Variants in ZSCAN25 observed in about 807,000 individuals in gnomAD.
ZSCAN25 encodes zinc finger and SCAN domain-containing protein 25.
A neutral mutation model predicts 38.7 loss-of-function variants in ZSCAN25; 27 were observed. The ratio of observed to expected loss-of-function variants is 0.70; its 90% confidence interval spans 0.51 to 0.96. ZSCAN25 has a LOEUF of 0.96. ZSCAN25 is among the 40% of genes least tolerant of loss of function. ZSCAN25 has a pLI of 0.00. For missense variants in ZSCAN25, 637 were observed against 705.9 expected (o/e 0.90, Z 1.11); for synonymous variants, 273 against 277.7 (o/e 0.98, Z 0.17).
chr7:99,638,556 G>A, the ZSCAN25 span: 1 of 1,544,340 alleles, frequency 6.5e-7, no homozygotes, highest in Non-Finnish European at 8.9e-7. Flanking sequence ...CGAGAGCGCG[G>A]ATCTTGTCCT....
At chr7:99,730,937 C>T in the ZSCAN25 span, 3 of 1,321,176 alleles carry the variant, frequency 2.3e-6, no homozygotes, top group Non-Finnish European at 3.1e-6. Context: ...GTGATGCCTA[C>T]ACGCTATTTC....
chr7:99,668,868 G>A, the ZSCAN25 span, among the ~76,000 whole-genome samples: 1 of 152,182 alleles, frequency 6.6e-6, no homozygotes, highest in South Asian at 2.1e-4. Context: ...AATTGACACT[G>A]TCAGGTATTA....
intron 6 of ZSCAN25, among the ~76,000 whole-genome samples, chr7:99,623,175 C>T (rs920327560): frequency 6.6e-6 from 1 of 152,166 alleles, no homozygotes; most frequent in Admixed American, 6.5e-5. Context: ...TGATTGGCCC[C>T]GAGATAACCC....
chr7:99,725,643 T>C, the ZSCAN25 span, among the ~76,000 whole-genome samples: 2 of 152,202 alleles, frequency 1.3e-5, no homozygotes, highest in Non-Finnish European at 2.9e-5. Context: ...TTGGACTGTC[T>C]GACTCACATC....
At chr7:99,720,142 A>G in the ZSCAN25 span, among the ~76,000 whole-genome samples, 1 of 152,240 alleles carries the variant, frequency 6.6e-6, no homozygotes, top group Non-Finnish European at 1.5e-5. Flanking sequence ...AATATACTGT[A>G]TTTATAGTTA....
At chr7:99,672,347 G>A in the ZSCAN25 span, among the ~76,000 whole-genome samples, 1 of 152,090 alleles carries the variant, frequency 6.6e-6, no homozygotes, top group East Asian at 1.9e-4. Flanking sequence ...ATTATGCCCA[G>A]CCTGTAGTTT....
chr7:99,654,881 T>C, the ZSCAN25 span, among the ~76,000 whole-genome samples: 3 of 152,160 alleles, frequency 2.0e-5, no homozygotes, highest in East Asian at 3.9e-4. Flanking sequence ...TAAATGTCTT[T>C]TGAGAAGTGT....
Position 99,630,194 on chromosome 7 carries a change from A to G in ZSCAN25, c.*174A>G, listed in dbSNP as rs569009126. ...GCTTCCAGAGAGCATAGCTGCTTCC[A>G]TCTCTTACCCAAGTGGTGCTAAACA... On this transcript the variant is annotated 3_prime_UTR_variant, in exon 8 of 8. Coordinates refer to ENST00000394152, the MANE Select transcript of ZSCAN25 (RefSeq NM_145115.3). 3 of 1,387,654 alleles carry G rather than the reference A, an allele frequency of 2.2e-6. No homozygotes were observed. The highest frequency in any genetic ancestry group is 5.3e-5 in the East Asian group (2 of 37,698). 86.0% of individuals were successfully genotyped at this position (1,387,654 alleles called of 1,614,324 possible).
chr7:99,677,237 A>G, the ZSCAN25 span: 1 of 985,430 alleles, frequency 1.0e-6, no homozygotes, highest in Non-Finnish European at 1.2e-6. Context: ...AGGGATGGAA[A>G]ACTGGAGGAA....
chr7:99,693,142 G>A, the ZSCAN25 span, among the ~76,000 whole-genome samples: 2 of 152,108 alleles, frequency 1.3e-5, no homozygotes, highest in African/African-American at 4.8e-5. Flanking sequence ...TCTTCTAACA[G>A]TCAGACTCCT....
At chr7:99,717,283 C>A in the ZSCAN25 span, 1 of 1,613,874 alleles carries the variant, frequency 6.2e-7, no homozygotes, top group Non-Finnish European at 8.5e-7. Context: ...CAAAACACAA[C>A]ACCACCCATA....
At chr7:99,722,487 A>G in the ZSCAN25 span, 1 of 1,049,428 alleles carries the variant, frequency 9.5e-7, no homozygotes, top group South Asian at 1.6e-5. Flanking sequence ...AGATGTCATA[A>G]GAGAAAGGAA....
At chr7:99,720,281 G>A in the ZSCAN25 span, 3 of 1,609,716 alleles carry the variant, frequency 1.9e-6, no homozygotes, top group Admixed American at 5.0e-5. Context: ...ATCAATCAAT[G>A]AGTATTTTAA....
chr7:99,651,723 C>T, the ZSCAN25 span, among the ~76,000 whole-genome samples: 1 of 152,228 alleles, frequency 6.6e-6, no homozygotes. Flanking sequence ...CTTAATAATA[C>T]AGTAATGGGA....
At chr7:99,726,661 G>A in the ZSCAN25 span, among the ~76,000 whole-genome samples, 1 of 152,134 alleles carries the variant, frequency 6.6e-6, no homozygotes, top group Non-Finnish European at 1.5e-5. Flanking sequence ...CATTACTTCA[G>A]CCAAGCTCTC....
the ZSCAN25 span, chr7:99,638,736 C>G: frequency 8.1e-7 from 1 of 1,239,176 alleles, no homozygotes; most frequent in African/African-American, 1.5e-5. Flanking sequence ...TTTCCTTGTT[C>G]CCGAAGATTT....
chr7:99,715,627 C>T, the ZSCAN25 span: 223 of 1,484,740 alleles, frequency 1.5e-4, 1 homozygote, highest in Non-Finnish European at 1.7e-4. Context: ...GATGGTCGTA[C>T]ATATCTTCAA....
At chr7:99,635,036 A>G (rs1321158300), downstream of ZSCAN25, among the ~76,000 whole-genome samples, 2 of 152,180 alleles carry the variant, frequency 1.3e-5, no homozygotes, top group Admixed American at 6.5e-5. Flanking sequence ...GGAAAATGAC[A>G]GGTAGCAACA....
the ZSCAN25 span, chr7:99,713,672 C>T: frequency 8.6e-7 from 1 of 1,164,774 alleles, no homozygotes; most frequent in East Asian, 2.5e-5. Context: ...TTGCCTGAGT[C>T]ACCAGTGAAA....
Sources: allele counts gnomAD v4.1 joint callset (sites outside exome capture counted in the v4.1 genomes callset), GRCh38; gene constraint gnomAD v4.1.1; transcripts MANE v1.5; gene names NCBI Gene and HGNC (gene_info 2026-07-23, HGNC 2026-07-21).